Variants in SLC41A2 observed in about 807,000 individuals in gnomAD.
SLC41A2 encodes the protein solute carrier family 41 member 2.
A neutral mutation model predicts 58.3 loss-of-function variants in SLC41A2; 32 were observed. The observed-to-expected ratio is 0.55, with a 90% CI of 0.41 to 0.74. The LOEUF is 0.74. Among genes scored for constraint, SLC41A2 ranks in the 30% least tolerant of loss-of-function variants. SLC41A2 has a pLI of 0.00. For synonymous variants in SLC41A2, 190 were observed against 235.0 expected, an observed-to-expected ratio of 0.81 and a Z score of 1.75; for missense variants, 514 against 680.6, an observed-to-expected ratio of 0.76 and a Z score of 2.72.
intron 2 of SLC41A2, among the ~76,000 whole-genome samples, chr12:104,927,577 G>A (rs889533097): frequency 5.3e-5 from 8 of 152,040 alleles, no homozygotes; most frequent in African/African-American, 9.7e-5. Flanking sequence ...GTTTTGATTC[G>A]GAGATAAGGA....
chr12:104,872,551 T>C (rs757913145), intron 6 of SLC41A2, among the ~76,000 whole-genome samples: 6 of 152,102 alleles, frequency 3.9e-5, no homozygotes, highest in South Asian at 2.1e-4. Flanking sequence ...CTGGCCAAGA[T>C]GGCAAAATCC....
In SLC41A2 at chr12:104,936,896, T is replaced by A. The variant is rs2047306046; in HGVS notation, c.-167-8202A>T. Among the ~76,000 whole-genome samples the A allele has an allele frequency of 1.3e-5, 2 of 152,206 alleles. 1 individual carries two copies. Among genetic ancestry groups the A allele is most frequent in the South Asian group, 4.1e-4 (2 of 4,832 alleles). ...TGCAGCTGTACAATGTGTGTGTGTT[T>A]TAAGCTAAGTATTATTACAAAAGTC... On this transcript the variant is annotated intron_variant, in intron 1 of 10. Transcript: ENST00000258538.
chr12:104,952,229 A>G (rs1340653719), intron 1 of SLC41A2, among the ~76,000 whole-genome samples: 1 of 152,214 alleles, frequency 6.6e-6, no homozygotes, highest in African/African-American at 2.4e-5. Flanking sequence ...TTTAGACTCT[A>G]TCAACGAAGA....
At chr12:104,955,445 G>A (rs1052118010) in intron 1 of SLC41A2, among the ~76,000 whole-genome samples, 4 of 152,122 alleles carry the variant, frequency 2.6e-5, no homozygotes, top group African/African-American at 9.7e-5. Context: ...CTGTTAGGTT[G>A]GTTTGGTCTG....
At chr12:104,925,898 A>G (rs927701409) in intron 2 of SLC41A2, among the ~76,000 whole-genome samples, 6 of 152,244 alleles carry the variant, frequency 3.9e-5, no homozygotes, top group African/African-American at 9.6e-5. Flanking sequence ...CAGCTGTGAT[A>G]CTACTATAAG....
At chr12:104,954,287 T>C (rs77069396) in intron 1 of SLC41A2, among the ~76,000 whole-genome samples, 6,249 of 152,314 alleles carry the variant, frequency 0.041, 177 homozygotes, top group East Asian at 0.11. Flanking sequence ...CTGACAGTTC[T>C]AGTCATTTCC....
chr12:104,838,120 C>T (rs2042275191), intron 10 of SLC41A2, among the ~76,000 whole-genome samples: 1 of 152,134 alleles, frequency 6.6e-6, no homozygotes, highest in South Asian at 2.1e-4. Context: ...ATCATGTGAA[C>T]ATGACTTCAG....
At chr12:104,813,901 G>A (rs1269982058) in intron 10 of SLC41A2, among the ~76,000 whole-genome samples, 3 of 152,170 alleles carry the variant, frequency 2.0e-5, no homozygotes, top group Non-Finnish European at 2.9e-5. Flanking sequence ...CTCCCAAAGT[G>A]CTGGGATTAC....
intron 8 of SLC41A2, among the ~76,000 whole-genome samples, chr12:104,848,708 A>G (rs957254481): frequency 1.3e-5 from 2 of 152,168 alleles, no homozygotes; most frequent in Non-Finnish European, 2.9e-5. Context: ...AATTTGATTT[A>G]TCCTAGGAAT....
chr12:104,804,657 T>C lies in SLC41A2; in HGVS notation c.*495A>G, dbSNP rs2040828480. The C allele has an allele frequency of 6.5e-6, 1 of 152,696 alleles. No homozygotes were observed. The highest frequency in any genetic ancestry group is 2.1e-4 in the South Asian group (1 of 4,836). 9.5% of individuals were successfully genotyped at this position (152,696 alleles called of 1,614,324 possible). On this transcript the variant is annotated 3_prime_UTR_variant, in exon 11 of 11. Transcript: ENST00000258538. The stretch of plus-strand genomic sequence containing the variant: ...TTAGGTCAGTTTAAATATGAGCAAC[T>C]GGTAAATTTATCCTCAGCTAGCATA...
At chr12:104,949,794 G>T (rs1023139474) in intron 1 of SLC41A2, among the ~76,000 whole-genome samples, 8 of 152,254 alleles carry the variant, frequency 5.3e-5, no homozygotes, top group Admixed American at 2.6e-4. Context: ...CGTTGGTCAG[G>T]CTGGCCTCGA....
chr12:104,860,303 G>C (rs1220455635), intron 8 of SLC41A2, among the ~76,000 whole-genome samples: 1 of 151,138 alleles, frequency 6.6e-6, no homozygotes, highest in African/African-American at 2.4e-5. Context: ...AAAACTAGAT[G>C]ATGGGTTGAT....
chr12:104,926,215 AACTG>A, intron 2 of SLC41A2, among the ~76,000 whole-genome samples: 1 of 152,324 alleles, frequency 6.6e-6, no homozygotes. Flanking sequence ...GATAAACAAA[AACTG>A]ACAGAACAAA....
chr12:104,956,508 G>A lies in SLC41A2; in HGVS notation c.-168+1580C>T, dbSNP rs529142123. Among the ~76,000 whole-genome samples the A allele has an allele frequency of 1.8e-4, 28 of 152,160 alleles. No individual in the cohort carries two copies. In the South Asian group the frequency reaches 5.4e-3, roughly 29 times the overall value. On this transcript the variant is annotated intron_variant, in intron 1 of 10. Transcript: ENST00000258538. ...AACCTGGCCAACATGGTGAAACCAC[G>A]TCTCTACTAAAAATACAAAAATTAG...
chr12:104,917,722 C>CA (rs2046390917), intron 2 of SLC41A2, among the ~76,000 whole-genome samples: 1 of 149,290 alleles, frequency 6.7e-6, no homozygotes, highest in African/African-American at 2.5e-5. Flanking sequence ...ATCACAAGGA[C>CA]AAAAAACCAA....
chr12:104,922,915 C>T (rs1268526979), intron 2 of SLC41A2, among the ~76,000 whole-genome samples: 4 of 152,024 alleles, frequency 2.6e-5, no homozygotes, highest in African/African-American at 4.8e-5. Context: ...AAACCACATG[C>T]TCCTGAGTGA....
intron 8 of SLC41A2, among the ~76,000 whole-genome samples, chr12:104,856,063 G>A (rs140881658): frequency 3.9e-5 from 6 of 152,286 alleles, no homozygotes; most frequent in East Asian, 1.9e-4. Context: ...TTCTACCTCC[G>A]AGCTGCTGAT....
intron 10 of SLC41A2, among the ~76,000 whole-genome samples, chr12:104,813,639 TG>T (rs752399527): frequency 9.3e-5 from 14 of 151,280 alleles, no homozygotes; most frequent in Non-Finnish European, 1.6e-4. Flanking sequence ...ATGGGTTTTT[TG>T]TTTTGTTTTG....
chr12:104,947,138 TACAATC>T (rs2047747398), intron 1 of SLC41A2, among the ~76,000 whole-genome samples: 3 of 150,502 alleles, frequency 2.0e-5, no homozygotes, highest in African/African-American at 7.3e-5. Context: ...TACTATGTCA[TACAATC>T]ACAAAAATGT....
Sources: allele counts gnomAD v4.1 joint callset (sites outside exome capture counted in the v4.1 genomes callset), GRCh38; gene constraint gnomAD v4.1.1; transcripts MANE v1.5; gene names NCBI Gene and HGNC (gene_info 2026-07-23, HGNC 2026-07-21).